The following QSER1 variants were observed in gnomAD, a reference collection of about 807,000 sequenced individuals.
QSER1 encodes glutamine and serine rich 1.
Under a neutral mutation model 158.5 loss-of-function variants are expected in QSER1, and 49 were observed. That is an observed-to-expected ratio of 0.31 (90% CI 0.25 to 0.39). The LOEUF (loss-of-function observed/expected upper bound fraction) is 0.39. QSER1 is among the 10% of genes least tolerant of loss of function. The probability of loss-of-function intolerance (pLI) is 1.00; values close to 1 mark genes in which losing one functional copy is unlikely to be tolerated. For missense variants in QSER1, 1,754 were observed against 2,010.3 expected (o/e 0.87, Z 2.44); for synonymous variants, 650 against 715.5 (o/e 0.91, Z 1.46).
chr11:32,974,686 A>C (rs573286458), intron 11 of QSER1, among the ~76,000 whole-genome samples: 2 of 152,322 alleles, frequency 1.3e-5, no homozygotes, highest in East Asian at 3.9e-4. Context: ...ACAACAGTGA[A>C]AACTGGTTAA....
chr11:32,961,053 T>C lies in QSER1; in HGVS notation c.4969+2967T>C, dbSNP rs550939179. ...TTATTTAAAATGAACCCATTACTTA[T>C]TAATGTGAGGTGTTTTTTTTAAAAC... On this transcript the variant is annotated intron_variant, in intron 8 of 12. Transcript: ENST00000650167. 2.8e-4 allele frequency among the ~76,000 whole-genome samples: 42 copies of C among 152,302 alleles called. 1 individual carries two copies. In the South Asian group the frequency reaches 7.9e-3, roughly 29 times the overall value.
At chr11:32,976,221 A>C in intron 12 of QSER1, 113 bp from the exon 13 acceptor site, 1 of 952,876 alleles carries the variant, frequency 1.0e-6, no homozygotes, top group Non-Finnish European at 1.4e-6. Context: ...ATTTAGCTGA[A>C]ATAATCATTC....
intron 1 of QSER1, among the ~76,000 whole-genome samples, chr11:32,895,816 G>A (rs1590702465): frequency 6.6e-6 from 1 of 152,144 alleles, no homozygotes; most frequent in South Asian, 2.1e-4. Flanking sequence ...TGATGGGAAG[G>A]TACATGATAA....
In QSER1 at chr11:32,935,249, C is replaced by T. The variant is rs373045802; in HGVS notation, c.3991C>T (p.Pro1331Ser). The T allele has an allele frequency of 3.9e-5, 63 of 1,613,936 alleles. No homozygotes were observed. In the African/African-American group the frequency reaches 6.7e-4, roughly 17 times the overall value. The change falls in exon 4 of 13, where the codon CCT becomes TCT. Residue 1331 changes from proline to serine, a missense_variant. Transcript: ENST00000650167. Reference sequence around the variant, plus strand: ...CAAGCCTTCATCTACAACACCCACACCTTTAGTGTCTGAAACTGGCGGTAA... The same window carrying T: ...CAAGCCTTCATCTACAACACCCACATCTTTAGTGTCTGAAACTGGCGGTAA... ...LPKPSSTTPTPLVSETGGNSP... is the reference protein window; with the variant it reads ...LPKPSSTTPTSLVSETGGNSP...
chr11:32,933,875 G>C lies in QSER1; in HGVS notation c.2617G>C (p.Gly873Arg). 3 of 1,613,604 alleles carry C rather than the reference G, an allele frequency of 1.9e-6. No homozygotes were observed. Among genetic ancestry groups the C allele is most frequent in the Non-Finnish European group, 2.5e-6 (3 of 1,179,842 alleles). Reference protein sequence around the residue: ...QILQQSILQAGLGQVKASLQA... With the variant: ...QILQQSILQARLGQVKASLQA... ...TCTTCAGCAGTCAATACTGCAGGCA[G>C]GTTTAGGTCAAGTAAAGGCATCTTT... The change falls in exon 4 of 13, where the codon GGT (glycine) becomes CGT (arginine). Residue 873 changes from glycine to arginine, a missense_variant. By Grantham distance (125) the Gly-to-Arg change is moderately radical. This residue lies in a region of QSER1 where 1,707 missense variants were observed against 1,919.6 expected (regional missense o/e 0.89). Coordinates refer to ENST00000650167, the MANE Select transcript of QSER1 (RefSeq NM_001076786.3).
At chr11:32,896,576 A>G (rs1261551620) in intron 1 of QSER1, among the ~76,000 whole-genome samples, 1 of 152,016 alleles carries the variant, frequency 6.6e-6, no homozygotes, top group East Asian at 1.9e-4. Context: ...TTTAGTAGAG[A>G]TGGGGTTTCA....
intron 1 of QSER1, among the ~76,000 whole-genome samples, chr11:32,902,260 T>G (rs1310348369): frequency 6.6e-6 from 1 of 152,186 alleles, no homozygotes; most frequent in Admixed American, 6.5e-5. Context: ...GCCTGGCAGT[T>G]CCCTTCCCTG....
chr11:32,917,286 C>T (rs544934661), intron 1 of QSER1, among the ~76,000 whole-genome samples: 155 of 152,208 alleles, frequency 1.0e-3, no homozygotes, highest in African/African-American at 3.7e-3. Context: ...TTGTTTCCAC[C>T]TTTTGACTAT....
At chr11:32,924,031 G>T (rs577397688) in intron 1 of QSER1, among the ~76,000 whole-genome samples, 1 of 152,198 alleles carries the variant, frequency 6.6e-6, no homozygotes, top group African/African-American at 2.4e-5. Flanking sequence ...TTTAAAAAGC[G>T]AAAATGTGAA....
chr11:32,971,939 T>C (rs1852867283), intron 10 of QSER1, among the ~76,000 whole-genome samples: 1 of 151,694 alleles, frequency 6.6e-6, no homozygotes, highest in South Asian at 2.1e-4. Context: ...GTCAGGCGCC[T>C]GTAGTCCCAG....
At chr11:32,943,785 A>T (rs1852282107) in intron 4 of QSER1, among the ~76,000 whole-genome samples, 1 of 152,090 alleles carries the variant, frequency 6.6e-6, no homozygotes, top group African/African-American at 2.4e-5. Context: ...TTTTCTATTG[A>T]TTGCAATAGT....
chr11:32,932,519 A>G lies in QSER1; in HGVS notation c.1261A>G (p.Thr421Ala), dbSNP rs773055461. The G allele has an allele frequency of 4.3e-6, 7 of 1,614,140 alleles. No homozygotes were observed. Among genetic ancestry groups the G allele is most frequent in the Non-Finnish European group, 5.9e-6 (7 of 1,180,012 alleles). ...TTCTACAGAACAACCACTGACATCA[A>G]CCAAGACCCCTAAACCTCAAAGTAT... The part of the protein sequence containing the change: ...SCSTEQPLTS[T>A]KTPKPQSIIP... The change falls in exon 4 of 13, where the codon ACC (threonine) becomes GCC (alanine). Residue 421 changes from threonine to alanine, a missense_variant. Thr to Ala is a moderately conservative substitution (Grantham distance 58). Around this residue, in one of 2 missense-constraint regions of QSER1, gnomAD observed 1,707 missense variants for 1,919.6 expected, o/e 0.89. Coordinates refer to ENST00000650167, the MANE Select transcript of QSER1 (RefSeq NM_001076786.3).
chr11:32,974,034 C>T (rs539799096), intron 11 of QSER1, among the ~76,000 whole-genome samples: 1 of 152,292 alleles, frequency 6.6e-6, no homozygotes, highest in South Asian at 2.1e-4. Context: ...TCTGCAAAGT[C>T]ATTAAAATTG....
intron 11 of QSER1, among the ~76,000 whole-genome samples, chr11:32,973,802 G>T (rs940881656): frequency 6.6e-6 from 1 of 151,978 alleles, no homozygotes; most frequent in African/African-American, 2.4e-5. Flanking sequence ...AAATCATCTC[G>T]TGCTCATGTT....
At chr11:32,952,007 T>C (rs1852430310) in intron 4 of QSER1, among the ~76,000 whole-genome samples, 1 of 151,934 alleles carries the variant, frequency 6.6e-6, no homozygotes, top group South Asian at 2.1e-4. Flanking sequence ...CTGGCTAATT[T>C]TTTTGTATTT....
rs1818724743 is a variant in QSER1 at position 32,933,783 on chromosome 11, G to A, written c.2525G>A (p.Gly842Glu). 1 of 1,613,894 alleles carries A rather than the reference G, an allele frequency of 6.2e-7. No individual in the cohort carries two copies. Among genetic ancestry groups the A allele is most frequent in the East Asian group, 2.2e-5 (1 of 44,880 alleles). Residue 842 changes from glycine (G) to glutamate (E), a missense_variant, in exon 4 of 13, where the codon GGG becomes GAG. Transcript: ENST00000650167. ...SQIQIPNHAL[G>E]HGHQASLPNT... is the part of the protein sequence containing the mutation. Reference sequence around the variant, plus strand: ...ATTCAAATTCCAAATCATGCTTTAGGGCATGGCCATCAGGCATCTCTTCCT... The same window carrying A: ...ATTCAAATTCCAAATCATGCTTTAGAGCATGGCCATCAGGCATCTCTTCCT...
At chr11:32,928,384 G>A (rs1852003217) in intron 3 of QSER1, among the ~76,000 whole-genome samples, 1 of 152,090 alleles carries the variant, frequency 6.6e-6, no homozygotes, top group Non-Finnish European at 1.5e-5. Context: ...TCTCATATAA[G>A]GTTTATATCT....
intron 10 of QSER1, among the ~76,000 whole-genome samples, chr11:32,973,052 G>A (rs1005167621): frequency 1.3e-5 from 2 of 152,194 alleles, no homozygotes; most frequent in African/African-American, 4.8e-5. Flanking sequence ...TTACTAGAAA[G>A]AACTCTTGGC....
intron 10 of QSER1, among the ~76,000 whole-genome samples, chr11:32,971,303 G>A (rs982142289): frequency 6.6e-6 from 1 of 152,106 alleles, no homozygotes; most frequent in Non-Finnish European, 1.5e-5. Flanking sequence ...GAGAAAGAAA[G>A]ATTTTTCTGT....
Sources: allele counts gnomAD v4.1 joint callset (sites outside exome capture counted in the v4.1 genomes callset), GRCh38; gene constraint gnomAD v4.1.1; regional missense constraint gnomAD v4.1.1; transcripts MANE v1.5; gene names NCBI Gene and HGNC (gene_info 2026-07-23, HGNC 2026-07-21).